RBMS3: variants seen among roughly 807,000 people sequenced by gnomAD.
RBMS3 encodes the protein RNA binding motif single stranded interacting protein 3, also known as RNA-binding motif, single-stranded-interacting protein 3.
A neutral mutation model predicts 66.8 loss-of-function variants in RBMS3; 27 were observed. That is an observed-to-expected ratio of 0.40 (90% CI 0.30 to 0.56). RBMS3 has a LOEUF of 0.56. Among genes scored for constraint, RBMS3 ranks in the 20% least tolerant of loss-of-function variants. RBMS3 has a pLI of 0.40. For missense variants in RBMS3, 513 were observed against 549.5 expected (o/e 0.93, Z 0.66); for synonymous variants, 188 against 183.0 (o/e 1.03, Z -0.22).
chr3:29,974,961 C>T (rs1367797352), intron 12 of RBMS3, among the ~76,000 whole-genome samples: 12 of 124,780 alleles, frequency 9.6e-5, no homozygotes, highest in South Asian at 9.4e-4. Flanking sequence ...ATATAAAATA[C>T]GTTTCTATAT....
At chr3:29,580,182 T>C (rs946550107) in intron 3 of RBMS3, among the ~76,000 whole-genome samples, 7 of 152,210 alleles carry the variant, frequency 4.6e-5, no homozygotes, top group Admixed American at 3.3e-4. Context: ...TTTTCCCCAG[T>C]CCTTATTTTT....
At chr3:29,419,586 A>G (rs1028328507) in intron 1 of RBMS3, among the ~76,000 whole-genome samples, 3 of 152,164 alleles carry the variant, frequency 2.0e-5, no homozygotes, top group Non-Finnish European at 4.4e-5. Context: ...ATAGATAAAA[A>G]TATTTTCTCT....
rs9838565 is a variant in RBMS3, at chr3:29,795,404, G to A, written c.637+32415G>A. On this transcript the variant is annotated intron_variant, in intron 6 of 14. Coordinates refer to ENST00000383767, the MANE Select transcript of RBMS3 (RefSeq NM_001003793.3). The stretch of plus-strand genomic sequence containing the variant: ...TGCATTTTTCAGGTTAACTACATAC[G>A]TGACTAGCAAGACAAAATACAGCAT... Among the ~76,000 whole-genome samples the A allele has an allele frequency of 5.1e-3, 784 of 152,274 alleles. 6 individuals carry two copies. Among genetic ancestry groups the A allele is most frequent in the African/African-American group, 0.018 (728 of 41,548 alleles).
chr3:29,640,280 A>C (rs2049648187), intron 4 of RBMS3, among the ~76,000 whole-genome samples: 1 of 151,094 alleles, frequency 6.6e-6, no homozygotes, highest in African/African-American at 2.4e-5. Context: ...ACACACACAC[A>C]CACACCCACA....
chr3:29,611,924 A>G (rs2048505615), intron 4 of RBMS3, among the ~76,000 whole-genome samples: 1 of 152,032 alleles, frequency 6.6e-6, no homozygotes, highest in Non-Finnish European at 1.5e-5. Flanking sequence ...CCCAATGTAC[A>G]TATATTAATG....
chr3:29,965,442 G>A (rs376686366), intron 12 of RBMS3, among the ~76,000 whole-genome samples: 5 of 151,894 alleles, frequency 3.3e-5, no homozygotes, highest in East Asian at 3.9e-4. Flanking sequence ...AGGTGGTATC[G>A]CATTGTGGTT....
chr3:29,400,984 T>A (rs1161549752), intron 1 of RBMS3, among the ~76,000 whole-genome samples: 1 of 151,918 alleles, frequency 6.6e-6, no homozygotes, highest in Non-Finnish European at 1.5e-5. Context: ...CCATGGAAGG[T>A]TTTAGGATAA....
At chr3:29,852,239 G>T (rs1465601946) in intron 6 of RBMS3, among the ~76,000 whole-genome samples, 2 of 152,146 alleles carry the variant, frequency 1.3e-5, no homozygotes, top group Non-Finnish European at 2.9e-5. Flanking sequence ...TGCCATTGTG[G>T]AAATAGGAAT....
intron 6 of RBMS3, among the ~76,000 whole-genome samples, chr3:29,778,565 G>A (rs1433290050): frequency 6.6e-6 from 1 of 151,712 alleles, no homozygotes; most frequent in Non-Finnish European, 1.5e-5. Flanking sequence ...CAGATGAGGA[G>A]GCTGCATTTT....
intron 6 of RBMS3, among the ~76,000 whole-genome samples, chr3:29,773,054 G>A (rs1576761771): frequency 6.6e-6 from 1 of 152,088 alleles, no homozygotes; most frequent in African/African-American, 2.4e-5. Flanking sequence ...TATCTCTTGG[G>A]TCTCAACCTT....
At chr3:29,332,637 C>T (rs544991465) in intron 1 of RBMS3, among the ~76,000 whole-genome samples, 2 of 152,076 alleles carry the variant, frequency 1.3e-5, no homozygotes, top group East Asian at 1.9e-4. Context: ...AATAAATACT[C>T]GAAACATCCA....
chr3:29,829,056 G>A (rs1441994242), intron 6 of RBMS3, among the ~76,000 whole-genome samples: 1 of 125,496 alleles, frequency 8.0e-6, no homozygotes, highest in Non-Finnish European at 1.7e-5. Flanking sequence ...CTTTTGTTTT[G>A]TTTTTTGAGA....
chr3:29,848,602 G>A (rs930687777), intron 6 of RBMS3, among the ~76,000 whole-genome samples: 8 of 152,338 alleles, frequency 5.3e-5, no homozygotes, highest in African/African-American at 1.7e-4. Flanking sequence ...CAGGGATGCT[G>A]AATCAGACAA....
intron 14 of RBMS3, among the ~76,000 whole-genome samples, chr3:30,002,653 T>TATTG (rs1204316465): frequency 2.0e-5 from 3 of 152,060 alleles, no homozygotes; most frequent in Non-Finnish European, 4.4e-5. Flanking sequence ...GGACTTAACC[T>TATTG]ATTGATAAAA....
intron 2 of RBMS3, among the ~76,000 whole-genome samples, chr3:29,475,645 C>T (rs1050346861): frequency 2.0e-5 from 3 of 152,110 alleles, no homozygotes; most frequent in African/African-American, 4.8e-5. Context: ...TACCGTATAT[C>T]TACTAGACAT....
At position 29,977,623 on chromosome 3, in the gene RBMS3, G is replaced by T. The variant is rs1248042283; in HGVS notation, c.1099-10520G>T. Among the ~76,000 whole-genome samples the T allele has an allele frequency of 2.0e-5, 3 of 152,022 alleles. No individual in the cohort carries two copies. In the South Asian group the frequency reaches 6.2e-4, roughly 31 times the overall value. The stretch of plus-strand genomic sequence containing the variant: ...AATTTATTCTGTGGGTTTGAAAATG[G>T]TTATTCAGTGCTCCTACACATTCAC... On this transcript the variant is annotated intron_variant, in intron 12 of 14. Coordinates refer to ENST00000383767, the MANE Select transcript of RBMS3 (RefSeq NM_001003793.3).
At chr3:29,396,411 A>G (rs1456231545) in intron 1 of RBMS3, among the ~76,000 whole-genome samples, 2 of 152,146 alleles carry the variant, frequency 1.3e-5, no homozygotes, top group Non-Finnish European at 2.9e-5. Flanking sequence ...GGAAAATGCT[A>G]TTATTATTAT....
intron 6 of RBMS3, among the ~76,000 whole-genome samples, 158 bp from the exon 7 acceptor site, chr3:29,868,700 C>T (rs1320606786): frequency 6.6e-6 from 1 of 152,110 alleles, no homozygotes; most frequent in Admixed American, 6.6e-5. Context: ...GTTAGAACAG[C>T]GGCCAACAGA....
At chr3:29,388,665 C>CTCGGGTTT (rs1344139925) in intron 1 of RBMS3, among the ~76,000 whole-genome samples, 3 of 152,162 alleles carry the variant, frequency 2.0e-5, no homozygotes, top group African/African-American at 7.2e-5. Context: ...AGCTCTGCCT[C>CTCGGGTTT]ACGCCATTCT....
Sources: gnomAD v4.1 joint callset for allele counts (sites outside exome capture counted in the v4.1 genomes callset) on GRCh38, gnomAD v4.1.1 for gene constraint, MANE v1.5 for transcripts, NCBI Gene and HGNC (gene_info 2026-07-23, HGNC 2026-07-21) for gene names.